Variants in SMOC1 observed in about 807,000 individuals in gnomAD.
The protein encoded by SMOC1 is SPARC related modular calcium binding 1.
SMOC1 carries 22 observed loss-of-function variants against 56.3 expected under a neutral mutation model. The ratio of observed to expected loss-of-function variants is 0.39; its 90% CI spans 0.28 to 0.56. SMOC1 has a LOEUF of 0.56. Ranked by LOEUF, SMOC1 falls within the 20% of genes least tolerant of loss-of-function variation. SMOC1 has a pLI of 0.61. For synonymous variants in SMOC1, 193 were observed against 215.0 expected (o/e 0.90, Z 0.89); for missense variants, 509 against 565.4 (o/e 0.90, Z 1.01).
At chr14:69,880,749 A>G (rs1272273496) in intron 1 of SMOC1, among the ~76,000 whole-genome samples, 1 of 152,222 alleles carries the variant, frequency 6.6e-6, no homozygotes, top group Non-Finnish European at 1.5e-5. Flanking sequence ...GAAAGTAGCT[A>G]GGATCTTTGT....
chr14:69,998,901 G>A (rs1884869329), intron 7 of SMOC1, among the ~76,000 whole-genome samples: 1 of 152,058 alleles, frequency 6.6e-6, no homozygotes, highest in African/African-American at 2.4e-5. Context: ...GGGCCTCAAG[G>A]AGGCCCTAGA....
intron 3 of SMOC1, among the ~76,000 whole-genome samples, chr14:69,973,782 C>A (rs768550669): frequency 1.3e-5 from 2 of 152,196 alleles, no homozygotes; most frequent in Non-Finnish European, 1.5e-5. Flanking sequence ...AGAGCAGAAG[C>A]CTTTCTACAG....
chr14:69,907,675 T>C (rs1314712670), intron 1 of SMOC1, among the ~76,000 whole-genome samples: 3 of 152,196 alleles, frequency 2.0e-5, no homozygotes, highest in Admixed American at 1.3e-4. Flanking sequence ...AGAGTAGGTG[T>C]CTTAGTCCAT....
chr14:69,904,025 T>C (rs1884341571), intron 1 of SMOC1, among the ~76,000 whole-genome samples: 1 of 152,206 alleles, frequency 6.6e-6, no homozygotes, highest in Non-Finnish European at 1.5e-5. Context: ...TCAGCCTTGC[T>C]GACCTTCCAG....
rs376672665 is a variant in SMOC1 at position 70,010,807 on chromosome 14, C to A, written c.718C>A (p.Gln240Lys). The A allele has an allele frequency of 4.4e-5, 71 of 1,614,108 alleles. No homozygotes were observed. Among genetic ancestry groups the A allele is most frequent in the Admixed American group, 8.3e-5 (5 of 60,004 alleles). The change falls in exon 8 of 12, where the codon CAG (glutamine) becomes AAG (lysine). Residue 240 changes from glutamine to lysine, a missense_variant. Coordinates refer to ENST00000361956, the MANE Select transcript of SMOC1 (RefSeq NM_001034852.3). ...ERQSALEEAQ[Q>K]NPREGIVIPE... is the part of the protein sequence containing the mutation. ...GCAGAGTGCCCTGGAAGAGGCCCAG[C>A]AGAATCCCCGTGAGGGTATTGTCAT... is the stretch of plus-strand genomic sequence containing the variant.
At chr14:70,019,653 G>T (rs1885640715) in intron 10 of SMOC1, among the ~76,000 whole-genome samples, 1 of 152,162 alleles carries the variant, frequency 6.6e-6, no homozygotes, top group South Asian at 2.1e-4. Flanking sequence ...GCTTTCTTGG[G>T]CTATGGCTTT....
intron 3 of SMOC1, among the ~76,000 whole-genome samples, chr14:69,961,911 A>T (rs1329768592): frequency 6.6e-6 from 1 of 152,078 alleles, no homozygotes. Context: ...ATCCTTGTCA[A>T]CACTTGTTAT....
intron 5 of SMOC1, among the ~76,000 whole-genome samples, chr14:69,988,813 C>T (rs907673917): frequency 6.6e-5 from 10 of 152,206 alleles, no homozygotes; most frequent in Non-Finnish European, 1.5e-4. Flanking sequence ...GTGGTATTTA[C>T]ATCTGGATTT....
intron 1 of SMOC1, among the ~76,000 whole-genome samples, chr14:69,931,329 G>A (rs76904194): frequency 0.095 from 14,410 of 152,246 alleles, 745 homozygotes; most frequent in South Asian, 0.14. Context: ...CGCTCCCTCC[G>A]GGCAGTCTTC....
In SMOC1 at chr14:69,879,762, C is replaced by G. The variant is rs774124092; in HGVS notation, c.84C>G (p.Arg28=). 2.5e-6 allele frequency: 4 copies of G among 1,591,376 alleles called. No individual in the cohort carries two copies. In the South Asian group the frequency reaches 4.5e-5, roughly 18 times the overall value. Reference sequence around the variant, plus strand: ...AGCTGTCCCCTGCTCGCGGCCACCGCACCACAGGCCCCAGGGTAAGTGCGC... The same window carrying G: ...AGCTGTCCCCTGCTCGCGGCCACCGGACCACAGGCCCCAGGGTAAGTGCGC... ...LVQLSPARGH[R]TTGPRFLISD... The change falls in exon 1 of 12, where the codon CGC becomes CGG. Residue 28 remains arginine, a synonymous_variant. Transcript: ENST00000361956.
chr14:69,889,208 AC>A (rs1316883783), intron 1 of SMOC1, among the ~76,000 whole-genome samples: 1 of 152,114 alleles, frequency 6.6e-6, no homozygotes, highest in Non-Finnish European at 1.5e-5. Context: ...TCTGCTGGAT[AC>A]CCCCATGTGC....
chr14:69,906,289 T>A (rs1030621386), intron 1 of SMOC1, among the ~76,000 whole-genome samples: 4 of 152,210 alleles, frequency 2.6e-5, no homozygotes, highest in African/African-American at 9.7e-5. Flanking sequence ...CAGCTTTTGC[T>A]GGTTTTCCTA....
At chr14:70,028,736 C>T (rs56029860) in intron 11 of SMOC1, among the ~76,000 whole-genome samples, 1 of 152,010 alleles carries the variant, frequency 6.6e-6, no homozygotes, top group African/African-American at 2.4e-5. Context: ...AAGTCAGCAG[C>T]CTGACTCTGC....
chr14:70,030,179 T>G, intron 11 of SMOC1, 63 bp from the exon 12 acceptor site: 1 of 1,607,416 alleles, frequency 6.2e-7, no homozygotes, highest in Non-Finnish European at 8.5e-7. Flanking sequence ...AACTCTAACT[T>G]CTTGCTTATA....
rs1566687786 is a variant in SMOC1 at position 69,956,447 on chromosome 14, G to GAT, written c.378+2915_378+2916insAT. Reference sequence around the variant, plus strand: ...TCTCCAACCTCCATCACTTAGCTGGGCTTTTTTTTTTTTTTTTTTCTCCTA... The same window carrying GAT: ...TCTCCAACCTCCATCACTTAGCTGGGATCTTTTTTTTTTTTTTTTTTCTCCTA... On this transcript the variant is annotated intron_variant, in intron 3 of 11. Transcript: ENST00000361956. Among the ~76,000 whole-genome samples the GAT allele has an allele frequency of 1.8e-3, 204 of 114,430 alleles. 1 individual carries two copies. The highest frequency in any genetic ancestry group is 6.9e-3 in the African/African-American group (195 of 28,126). The allele number at this position is 114,430 out of a possible 152,430, so 75.1% of individuals were successfully genotyped here.
chr14:70,013,820 GATGGTTATATC>G (rs1885417852), intron 10 of SMOC1, among the ~76,000 whole-genome samples: 1 of 152,202 alleles, frequency 6.6e-6, no homozygotes, highest in Non-Finnish European at 1.5e-5. Context: ...CAGGAAGGGT[GATGGTTATATC>G]ATGGGAACAG....
At chr14:69,984,489 G>A (rs1476972766) in intron 5 of SMOC1, among the ~76,000 whole-genome samples, 1 of 152,054 alleles carries the variant, frequency 6.6e-6, no homozygotes, top group Non-Finnish European at 1.5e-5. Context: ...ATCCAACATA[G>A]GACTCATATC....
chr14:69,977,392 G>T (rs534991188), intron 4 of SMOC1, among the ~76,000 whole-genome samples: 27 of 152,360 alleles, frequency 1.8e-4, no homozygotes, highest in Admixed American at 4.6e-4. Context: ...CCATGCCTTA[G>T]ACTATTTTGG....
chr14:69,881,800 A>G (rs1214143392), intron 1 of SMOC1, among the ~76,000 whole-genome samples: 7 of 152,156 alleles, frequency 4.6e-5, no homozygotes, highest in Non-Finnish European at 8.8e-5. Context: ...ACCACTTATG[A>G]ACATCTGGGC....
Sources: gnomAD v4.1 joint callset for allele counts (sites outside exome capture counted in the v4.1 genomes callset) on GRCh38, gnomAD v4.1.1 for gene constraint, MANE v1.5 for transcripts, NCBI Gene and HGNC (gene_info 2026-07-23, HGNC 2026-07-21) for gene names.